The following RALGAPB variants were observed in gnomAD, a reference collection of about 807,000 sequenced individuals.
RALGAPB encodes Ral GTPase activating protein non-catalytic subunit beta, also known as ral GTPase-activating protein subunit beta.
Under a neutral mutation model 161.1 loss-of-function variants are expected in RALGAPB, and 25 were observed. The observed-to-expected ratio is 0.16, with a 90% CI of 0.11 to 0.22. The LOEUF is 0.22. RALGAPB is among the 10% of genes least tolerant of loss of function. The pLI, the probability that RALGAPB is intolerant of heterozygous loss-of-function variation, is 1.00. For synonymous variants in RALGAPB, 629 were observed against 626.1 expected (o/e 1.00, Z -0.07); for missense variants, 1,391 against 1,815.2 (o/e 0.77, Z 4.25).
rs142233899 is a variant in RALGAPB at position 38,552,562 on chromosome 20, G to A, written c.3163-1305G>A. On this transcript the variant is annotated intron_variant, in intron 21 of 29. Coordinates refer to ENST00000262879, the MANE Select transcript of RALGAPB (RefSeq NM_020336.4). ...GAGTCTGGCTAACACTGTAAGATGG[G>A]CAGTGGGACTTACAAGTAATAGAGG... 1.7e-3 allele frequency among the ~76,000 whole-genome samples: 264 copies of A among 152,286 alleles called. 1 individual carries two copies. The highest frequency in any genetic ancestry group is 2.2e-3 in the Non-Finnish European group (151 of 68,020).
At position 38,491,424 on chromosome 20, in the gene RALGAPB, A is replaced by G. The variant is rs78131582; in HGVS notation, c.187-1506A>G. On this transcript the variant is annotated intron_variant, in intron 2 of 29. Transcript: ENST00000262879. ...CAAAATGATCTTGGCATGTTAATCT[A>G]CTGTTACTCTGTCATGTGATGTCTT... Among the ~76,000 whole-genome samples the G allele has an allele frequency of 4.1e-3, 619 of 151,926 alleles. 3 individuals are homozygous for G. The highest frequency in any genetic ancestry group is 0.014 in the African/African-American group (585 of 41,398).
chr20:38,574,828 G>T lies in RALGAPB; in HGVS notation c.4346G>T (p.Ser1449Ile), dbSNP rs754504348. The stretch of plus-strand genomic sequence containing the variant: ...ATTTGTAGAAGAAAGAGACTGGAAA[G>T]TGACTCCTACAGTCCCCCCCATGTC... The part of the protein sequence containing the change: ...INICRRKRLE[S>I]DSYSPPHVRR... The change falls in exon 30 of 30, where the codon AGT (serine) becomes ATT (isoleucine). Residue 1449 changes from serine to isoleucine, a missense_variant. Coordinates refer to ENST00000262879, the MANE Select transcript of RALGAPB (RefSeq NM_020336.4). 5 of 1,613,892 alleles carry T rather than the reference G, an allele frequency of 3.1e-6. No individual in the cohort carries two copies. The highest frequency in any genetic ancestry group is 4.2e-6 in the Non-Finnish European group (5 of 1,179,864).
intron 13 of RALGAPB, among the ~76,000 whole-genome samples, chr20:38,527,360 C>T (rs761467377): frequency 5.9e-5 from 9 of 152,152 alleles, no homozygotes; most frequent in South Asian, 2.1e-4. Flanking sequence ...TGGGTCACAA[C>T]GGCCAAGAAC....
chr20:38,563,515 A>G (rs548553435), intron 24 of RALGAPB, among the ~76,000 whole-genome samples: 10 of 152,224 alleles, frequency 6.6e-5, no homozygotes, highest in Non-Finnish European at 1.0e-4. Flanking sequence ...TAATCAGGAT[A>G]ACAAGTAGCA....
intron 3 of RALGAPB, among the ~76,000 whole-genome samples, chr20:38,495,529 A>G (rs2085402858): frequency 6.6e-6 from 1 of 152,240 alleles, no homozygotes; most frequent in Admixed American, 6.5e-5. Flanking sequence ...ATGAATGATC[A>G]TTACTGTGTT....
intron 3 of RALGAPB, among the ~76,000 whole-genome samples, chr20:38,495,886 C>T (rs1273039506): frequency 8.5e-5 from 13 of 152,128 alleles, no homozygotes; most frequent in Admixed American, 8.5e-4. Flanking sequence ...GGGCAAATAC[C>T]TGGAAATGGT....
intron 12 of RALGAPB, 55 bp from the exon 13 acceptor site, chr20:38,525,840 A>G (rs1198286081): frequency 4.2e-5 from 66 of 1,560,070 alleles, no homozygotes; most frequent in Admixed American, 8.8e-5. Flanking sequence ...CTGTTCCCAC[A>G]TGGGCATCAT....
intron 5 of RALGAPB, among the ~76,000 whole-genome samples, chr20:38,507,622 A>G (rs967053480): frequency 1.3e-5 from 2 of 152,052 alleles, no homozygotes; most frequent in Admixed American, 6.5e-5. Flanking sequence ...CAAGTGATCC[A>G]CTAGACTTGG....
chr20:38,524,848 A>T lies in RALGAPB; in HGVS notation c.1690A>T (p.Ile564Phe). Residue 564 changes from isoleucine to phenylalanine, a missense_variant, in exon 11 of 30, where the codon ATT becomes TTT. Ile to Phe is a conservative substitution (Grantham distance 21). Transcript: ENST00000262879. The part of the protein sequence containing the change: ...YVCHPVLASV[I>F]LNSPPLFCCD... ...GTGCCATCCTGTCTTGGCCAGCGTT[A>T]TTCTAAACTCTCCTCCTTTGTTCTG... 6 of 1,604,722 alleles carry T rather than the reference A, an allele frequency of 3.7e-6. No homozygotes were observed. Among genetic ancestry groups the T allele is most frequent in the Non-Finnish European group, 5.1e-6 (6 of 1,171,400 alleles).
intron 1 of RALGAPB, among the ~76,000 whole-genome samples, chr20:38,477,728 G>C (rs2084849424): frequency 6.6e-6 from 1 of 152,152 alleles, no homozygotes. Context: ...ACATTTCAAA[G>C]TATGTCAACT....
At chr20:38,554,103 A>G (rs566776389) in intron 22 of RALGAPB, 27 bp downstream of exon 22, 5 of 1,515,950 alleles carry the variant, frequency 3.3e-6, no homozygotes, top group Non-Finnish European at 4.6e-6. Flanking sequence ...TTTATGAATA[A>G]ATATATTCAC....
intron 2 of RALGAPB, among the ~76,000 whole-genome samples, chr20:38,489,235 G>A (rs2085207637): frequency 6.6e-6 from 1 of 152,152 alleles, no homozygotes; most frequent in Non-Finnish European, 1.5e-5. Context: ...CTGGTGTGCA[G>A]TGGCACCACG....
intron 16 of RALGAPB, among the ~76,000 whole-genome samples, chr20:38,537,170 AG>A (rs2086831266): frequency 1.3e-5 from 2 of 152,228 alleles, no homozygotes; most frequent in African/African-American, 4.8e-5. Context: ...GATCGGTGGA[AG>A]AAAATAGTAT....
intron 6 of RALGAPB, among the ~76,000 whole-genome samples, chr20:38,515,495 A>G (rs1366994492): frequency 2.0e-5 from 3 of 152,250 alleles, no homozygotes; most frequent in Non-Finnish European, 4.4e-5. Flanking sequence ...TTTTTAATGG[A>G]AATATTTCAA....
chr20:38,574,055 A>G, intron 28 of RALGAPB, 95 bp from the exon 29 acceptor site: 1 of 1,292,420 alleles, frequency 7.7e-7, no homozygotes. Flanking sequence ...AGGTCCCTTT[A>G]CTAATCTTAG....
intron 18 of RALGAPB, among the ~76,000 whole-genome samples, chr20:38,543,235 G>C (rs540023019): frequency 8.6e-4 from 131 of 152,286 alleles, no homozygotes; most frequent in African/African-American, 2.9e-3. Context: ...CACAATTGCT[G>C]CTTTATGTTA....
At chr20:38,546,151 A>C in intron 18 of RALGAPB, 92 bp from the exon 19 acceptor site, 1 of 1,580,294 alleles carries the variant, frequency 6.3e-7, no homozygotes, top group Non-Finnish European at 8.6e-7. Context: ...GTCAATTAAA[A>C]TTCAGAAGAG....
chr20:38,525,178 A>G (rs2086420478), intron 11 of RALGAPB, among the ~76,000 whole-genome samples: 2 of 152,228 alleles, frequency 1.3e-5, no homozygotes, highest in East Asian at 1.9e-4. Context: ...AAGGGTAAGA[A>G]CAACTCCAAC....
chr20:38,480,246 T>C (rs2084926613), intron 1 of RALGAPB, among the ~76,000 whole-genome samples: 1 of 152,090 alleles, frequency 6.6e-6, no homozygotes. Flanking sequence ...AATTGGTCAC[T>C]GCTTACCTTT....
Sources: gnomAD v4.1 joint callset for allele counts (sites outside exome capture counted in the v4.1 genomes callset) on GRCh38, gnomAD v4.1.1 for gene constraint, MANE v1.5 for transcripts, NCBI Gene and HGNC (gene_info 2026-07-23, HGNC 2026-07-21) for gene names.